Variants in KLHL17 observed in about 807,000 individuals in gnomAD.
KLHL17 encodes the protein kelch-like protein 17.
In KLHL17, 71 loss-of-function variants were observed where a neutral mutation model predicts 64.6. The ratio of observed to expected loss-of-function variants is 1.10; its 90% CI spans 0.91 to 1.34. KLHL17 has a LOEUF of 1.34. Among genes scored for constraint, KLHL17 ranks in the 40% most tolerant of loss-of-function variants. KLHL17 has a pLI of 0.00. For synonymous variants in KLHL17, 612 were observed against 405.4 expected (o/e 1.51, Z -6.12); for missense variants, 1,140 against 935.0 (o/e 1.22, Z -2.86).
chr1:962,047 G>C lies in KLHL17; in HGVS notation c.711G>C (p.Gln237His). The change falls in exon 4 of 12, where the codon CAG (glutamine) becomes CAC (histidine). Residue 237 changes from glutamine (Q) to histidine (H), a missense_variant and splice_region_variant. By Grantham distance (24) the Gln-to-His change is conservative. Transcript: ENST00000338591. Reference sequence around the variant, plus strand: ...AGTTTATGCTGCTGCCCCTGAAACAGGTAACAGCTGGCGGGCCCAGCCCTC... The same window carrying C: ...AGTTTATGCTGCTGCCCCTGAAACACGTAACAGCTGGCGGGCCCAGCCCTC... ...TEEFMLLPLK[Q>H]VLELVSSDSL... 1.9e-6 allele frequency: 3 copies of C among 1,612,524 alleles called. No homozygotes were observed. The highest frequency in any genetic ancestry group is 2.5e-6 in the Non-Finnish European group (3 of 1,179,812).
chr1:962,155 T>A, intron 4 of KLHL17, 108 bp downstream of exon 4: 1 of 1,256,136 alleles, frequency 8.0e-7, no homozygotes, highest in Non-Finnish European at 1.1e-6. Context: ...CCACAATCCT[T>A]AGTGCCTGCT....
chr1:961,957 C>CG lies in KLHL17; in HGVS notation c.622dup (p.Asp208GlyfsTer37). On this transcript the variant is annotated frameshift_variant, in exon 4 of 12. Coordinates refer to ENST00000338591, the MANE Select transcript of KLHL17 (RefSeq NM_198317.3). LOFTEE classifies it high-confidence loss of function. Reference sequence around the variant, plus strand: ...GCTTTGCCGATGCGCACTCCTGCAGCGACCTGCTCAAGGCCGCCCACAGGT... The same window carrying CG: ...GCTTTGCCGATGCGCACTCCTGCAGCGGACCTGCTCAAGGCCGCCCACAGGT... The CG allele has an allele frequency of 6.2e-7, 1 of 1,612,920 alleles. No individual in the cohort carries two copies. The highest frequency in any genetic ancestry group is 8.5e-7 in the Non-Finnish European group (1 of 1,180,000).
chr1:964,062 C>T, intron 9 of KLHL17, 45 bp from the exon 10 acceptor site: 1 of 1,612,220 alleles, frequency 6.2e-7, no homozygotes, highest in Non-Finnish European at 8.5e-7. Context: ...ACCGTGGAGA[C>T]CCCACTCCCA....
chr1:963,379 C>A lies in KLHL17; in HGVS notation c.1230C>A (p.Asp410Glu). 1 of 1,612,558 alleles carries A rather than the reference C, an allele frequency of 6.2e-7. No homozygotes were observed. The highest frequency in any genetic ancestry group is 8.5e-7 in the Non-Finnish European group (1 of 1,179,812). The change falls in exon 8 of 12, where the codon GAC becomes GAA. Residue 410 changes from aspartate to glutamate, a missense_variant. By Grantham distance (45) the Asp-to-Glu change is conservative. Coordinates refer to ENST00000338591, the MANE Select transcript of KLHL17 (RefSeq NM_198317.3). ...TSDLATVESYDPVTNTWQPEV... is the reference protein window; with the variant it reads ...TSDLATVESYEPVTNTWQPEV... ...ACCTGGCTACCGTGGAGTCCTACGA[C>A]CCCGTGACTAACACGTGGCAGCCGG...
rs749336528 is a variant in KLHL17 at position 963,393 on chromosome 1, C to T, written c.1244C>T (p.Thr415Met). ...TVESYDPVTN[T>M]WQPEVSMGTR... is the part of the protein sequence containing the mutation. ...GAGTCCTACGACCCCGTGACTAACA[C>T]GTGGCAGCCGGAGGTGTCCATGGGC... is the stretch of plus-strand genomic sequence containing the variant. The change falls in exon 8 of 12, where the codon ACG (threonine) becomes ATG (methionine). Residue 415 changes from threonine to methionine, a missense_variant. Physicochemically the swap from Thr to Met is moderately conservative, Grantham distance 81. Transcript: ENST00000338591. The T allele has an allele frequency of 1.3e-5, 21 of 1,612,544 alleles. No homozygotes were observed. The highest frequency in any genetic ancestry group is 8.3e-5 in the Admixed American group (5 of 59,988).
intron 1 of KLHL17, 150 bp from the exon 2 acceptor site, chr1:961,143 C>CG: frequency 2.3e-6 from 1 of 436,630 alleles, no homozygotes; most frequent in South Asian, 1.1e-4. Flanking sequence ...CGCTCCGGGG[C>CG]GGGGGTCCTT....
In KLHL17 at chr1:962,031, T is replaced by A. The variant is rs1642678505; in HGVS notation, c.695T>A (p.Leu232Gln). The A allele has an allele frequency of 2.5e-6, 4 of 1,612,834 alleles. No individual in the cohort carries two copies. Among genetic ancestry groups the A allele is most frequent in the Non-Finnish European group, 3.4e-6 (4 of 1,179,988 alleles). ...GTGGCCAAGACCGAGGAGTTTATGC[T>A]GCTGCCCCTGAAACAGGTAACAGCT... The part of the protein sequence containing the change: ...VDVAKTEEFM[L>Q]LPLKQVLELV... Residue 232 changes from leucine to glutamine, a missense_variant, in exon 4 of 12, where the codon CTG (leucine) becomes CAG (glutamine). By Grantham distance (113) the Leu-to-Gln change is moderately radical (BLOSUM62 -2). Coordinates refer to ENST00000338591, the MANE Select transcript of KLHL17 (RefSeq NM_198317.3).
At chr1:962,548 C>A (rs1361596061) in intron 5 of KLHL17, 77 bp downstream of exon 5, 2 of 1,573,004 alleles carry the variant, frequency 1.3e-6, no homozygotes, top group Non-Finnish European at 8.6e-7. Flanking sequence ...GCACCCTGAC[C>A]TTCCCCGAGT....
Position 961,451 on chromosome 1 carries a change from G to T in KLHL17, c.266G>T (p.Gly89Val). The T allele has an allele frequency of 3.1e-6, 5 of 1,612,334 alleles. No homozygotes were observed. Among genetic ancestry groups the T allele is most frequent in the Non-Finnish European group, 4.2e-6 (5 of 1,179,834 alleles). The change falls in exon 2 of 12, where the codon GGC (glycine) becomes GTC (valine). Residue 89 changes from glycine to valine, a missense_variant. Physicochemically the swap from Gly to Val is moderately radical, Grantham distance 109. Transcript: ENST00000338591. ...GCCATGAGCCGCATGCGCCAGCGCG[G>T]CCTCCTGTGCGACATCGTCCTGCAC... The part of the protein sequence containing the change: ...FVAMSRMRQR[G>V]LLCDIVLHVA...
At position 961,520 on chromosome 1, in the gene KLHL17, C is replaced by G; in HGVS notation, c.335C>G (p.Ser112Cys). The G allele has an allele frequency of 6.2e-7, 1 of 1,612,612 alleles. No individual in the cohort carries two copies. The highest frequency in any genetic ancestry group is 8.5e-7 in the Non-Finnish European group (1 of 1,179,964). ...CGTGCGCACAAAGTGGTGCTGGCCTCCTGCAGCCCCTACTTCCACGCCATG... is the reference window on the plus strand; with the variant it reads ...CGTGCGCACAAAGTGGTGCTGGCCTGCTGCAGCCCCTACTTCCACGCCATG... ...EIRAHKVVLA[S>C]CSPYFHAMFT... The change falls in exon 2 of 12, where the codon TCC becomes TGC. Residue 112 changes from serine (S) to cysteine (C), a missense_variant. Coordinates refer to ENST00000338591, the MANE Select transcript of KLHL17 (RefSeq NM_198317.3).
chr1:961,757 G>C lies in KLHL17; in HGVS notation c.489+7G>C. ...GGGCGAGGGCAATGTGCAGGTGAGG[G>C]CTCCCTCACCCGGATCCCGGTGTCC... is the stretch of plus-strand genomic sequence containing the variant. On this transcript the variant is annotated splice_region_variant and intron_variant, in intron 3 of 11. Transcript: ENST00000338591. 1 of 1,611,806 alleles carries C rather than the reference G, an allele frequency of 6.2e-7. No individual in the cohort carries two copies. Among genetic ancestry groups the C allele is most frequent in the Non-Finnish European group, 8.5e-7 (1 of 1,179,514 alleles).
At position 961,412 on chromosome 1, in the gene KLHL17, A is replaced by ACGATGCCTT; in HGVS notation, c.230_238dup (p.Asp77_Phe79dup). On this transcript the variant is annotated inframe_insertion, in exon 2 of 12. Transcript: ENST00000338591. ...GCCCACAACTCCAAGCGGCACTACC[A>ACGATGCCTT]CGATGCCTTCGTGGCCATGAGCCGC... The ACGATGCCTT allele has an allele frequency of 6.2e-7, 1 of 1,611,348 alleles. No homozygotes were observed. The highest frequency in any genetic ancestry group is 2.2e-5 in the East Asian group (1 of 44,824).
rs1193417288 is a variant in KLHL17, at chr1:961,716, C to A, written c.455C>A (p.Thr152Lys). 6.2e-7 allele frequency: 1 copy of A among 1,612,178 alleles called. No homozygotes were observed. Among genetic ancestry groups the A allele is most frequent in the South Asian group, 1.1e-5 (1 of 90,978 alleles). Reference sequence around the variant, plus strand: ...GACCAGCTGGTGCAGTTTGCCTACACGGCTGAGATTGTGGTGGGCGAGGGC... The same window carrying A: ...GACCAGCTGGTGCAGTTTGCCTACAAGGCTGAGATTGTGGTGGGCGAGGGC... ...ALDQLVQFAYTAEIVVGEGNV... is the reference protein window; with the variant it reads ...ALDQLVQFAYKAEIVVGEGNV... The change falls in exon 3 of 12, where the codon ACG becomes AAG. Residue 152 changes from threonine (T) to lysine (K), a missense_variant. By Grantham distance (78) the Thr-to-Lys change is moderately conservative. Transcript: ENST00000338591.
At chr1:961,186 C>T (rs1642626120) in intron 1 of KLHL17, 107 bp from the exon 2 acceptor site, 2 of 820,518 alleles carry the variant, frequency 2.4e-6, no homozygotes, top group African/African-American at 1.8e-5. Context: ...CCGGCGCCCC[C>T]GTCGCACCAG....
Position 962,566 on chromosome 1 carries a change from C to G in KLHL17, c.828+95C>G, listed in dbSNP as rs564045982. The G allele has an allele frequency of 7.1e-6, 11 of 1,546,868 alleles. No homozygotes were observed. In the African/African-American group the frequency reaches 1.1e-4, roughly 15 times the overall value. On this transcript the variant is annotated intron_variant, in intron 5 of 11. Coordinates refer to ENST00000338591, the MANE Select transcript of KLHL17 (RefSeq NM_198317.3). ...CCCTGACCTTCCCCGAGTTCAGGGACTCCGTGGGGGTGGTGCCCCCACCTG... is the reference window on the plus strand; with the variant it reads ...CCCTGACCTTCCCCGAGTTCAGGGAGTCCGTGGGGGTGGTGCCCCCACCTG...
At chr1:963,531 T>G in intron 8 of KLHL17, 27 bp downstream of exon 8, 1 of 1,587,604 alleles carries the variant, frequency 6.3e-7, no homozygotes, top group Non-Finnish European at 8.6e-7. Flanking sequence ...CCCCAGTGGC[T>G]TTGTACAGTC....
chr1:963,468 C>G lies in KLHL17; in HGVS notation c.1319C>G (p.Ser440Trp), dbSNP rs745623835. Residue 440 changes from serine to tryptophan, a missense_variant, in exon 8 of 12, where the codon TCG becomes TGG. Coordinates refer to ENST00000338591, the MANE Select transcript of KLHL17 (RefSeq NM_198317.3). ...GVAALHGLLY[S>W]AGGYDGASCL... is the part of the protein sequence containing the mutation. ...GCCGCCTTGCATGGACTCCTGTACT[C>G]GGCCGGCGGCTATGACGGGGCCTCC... The G allele has an allele frequency of 3.1e-6, 5 of 1,610,924 alleles. No individual in the cohort carries two copies. The highest frequency in any genetic ancestry group is 4.2e-6 in the Non-Finnish European group (5 of 1,178,600).
rs1222953522 is a variant in KLHL17, at chr1:963,615, G to A, written c.1355+111G>A. The A allele has an allele frequency of 1.9e-5, 25 of 1,290,014 alleles. 1 individual carries two copies. The South Asian group carries it at 2.1e-4, about 11-fold the overall frequency. 79.9% of individuals were successfully genotyped at this position (1,290,014 alleles called of 1,614,324 possible). On this transcript the variant is annotated intron_variant, in intron 8 of 11. Coordinates refer to ENST00000338591, the MANE Select transcript of KLHL17 (RefSeq NM_198317.3). ...TGGGGTGTTAAAGGAGGTGATCCGC[G>A]AGGCCGTTTCACCCCAGGCCACTGC...
At position 962,399 on chromosome 1, in the gene KLHL17, G is replaced by A. The variant is rs1402571841; in HGVS notation, c.756G>A (p.Glu252=). 1.2e-6 allele frequency: 2 copies of A among 1,612,680 alleles called. No homozygotes were observed. The highest frequency in any genetic ancestry group is 1.3e-5 in the African/African-American group (1 of 74,942). ...VSSDSLNVPS[E]EEVYRAVLSW... ...GCGACAGCCTGAACGTGCCTTCAGA[G>A]GAGGAGGTCTACCGAGCCGTCCTGA... The change falls in exon 5 of 12, where the codon GAG becomes GAA. Residue 252 remains glutamate, a synonymous_variant. Coordinates refer to ENST00000338591, the MANE Select transcript of KLHL17 (RefSeq NM_198317.3).
Sources: allele counts gnomAD v4.1 joint callset, GRCh38; gene constraint gnomAD v4.1.1; transcripts MANE v1.5; gene names NCBI Gene and HGNC (gene_info 2026-07-23, HGNC 2026-07-21).